The following BBS9 variants were observed in gnomAD, a reference collection of about 807,000 sequenced individuals.
BBS9 encodes the protein Bardet-Biedl syndrome 9, also known as protein PTHB1.
BBS9 carries 89 observed loss-of-function variants against 117.7 expected under a neutral mutation model. The observed-to-expected ratio is 0.76, with a 90% CI of 0.64 to 0.90. The LOEUF is 0.90. Ranked by LOEUF, BBS9 falls within the 40% of genes least tolerant of loss-of-function variation. The probability of loss-of-function intolerance (pLI) is 0.00; values close to 1 mark genes in which losing one functional copy is unlikely to be tolerated. For synonymous variants in BBS9, 379 were observed against 370.9 expected (o/e 1.02, Z -0.25); for missense variants, 982 against 1,042.2 (o/e 0.94, Z 0.80).
At chr7:33,464,642 G>T (rs1055835113) in intron 19 of BBS9, among the ~76,000 whole-genome samples, 2 of 151,672 alleles carry the variant, frequency 1.3e-5, no homozygotes, top group Non-Finnish European at 2.9e-5. Flanking sequence ...GTTCTGTTAG[G>T]TTGTAAATAA....
chr7:33,151,849 C>CG (rs1562684987), intron 2 of BBS9, among the ~76,000 whole-genome samples: 1 of 122,126 alleles, frequency 8.2e-6, no homozygotes, highest in East Asian at 2.2e-4. Flanking sequence ...CTGCACCCAG[C>CG]CTTTTTTTTT....
intron 2 of BBS9, among the ~76,000 whole-genome samples, chr7:33,148,680 A>G (rs1055039441): frequency 6.7e-5 from 7 of 104,718 alleles, no homozygotes; most frequent in Admixed American, 1.0e-4. Flanking sequence ...TTTTTTTTTT[A>G]ATGGAGACAG....
intron 5 of BBS9, among the ~76,000 whole-genome samples, chr7:33,207,582 G>A (rs73097213): frequency 1.3e-4 from 19 of 150,068 alleles, no homozygotes; most frequent in Non-Finnish European, 2.4e-4. Context: ...AGCATAGTAA[G>A]ATGTTCCAGG....
intron 19 of BBS9, among the ~76,000 whole-genome samples, chr7:33,452,998 GGC>G (rs1385992656): frequency 6.6e-6 from 1 of 152,110 alleles, no homozygotes; most frequent in African/African-American, 2.4e-5. Context: ...TATTTAAGAA[GGC>G]AGTGGAGTTG....
chr7:33,314,837 G>T (rs1041672387), intron 9 of BBS9, among the ~76,000 whole-genome samples: 2 of 152,188 alleles, frequency 1.3e-5, no homozygotes, highest in Non-Finnish European at 2.9e-5. Context: ...AAACTATTTT[G>T]TGGGGATAGT....
chr7:33,532,332 C>G (rs1174088305), intron 20 of BBS9, among the ~76,000 whole-genome samples: 1 of 152,232 alleles, frequency 6.6e-6, no homozygotes, highest in Non-Finnish European at 1.5e-5. Flanking sequence ...AAATGCCAGT[C>G]TGACCATTTG....
intron 19 of BBS9, among the ~76,000 whole-genome samples, chr7:33,420,887 G>A (rs1261979631): frequency 6.6e-6 from 1 of 152,180 alleles, no homozygotes; most frequent in African/African-American, 2.4e-5. Context: ...TAAGGTGAAA[G>A]TTTTTCTTCA....
At chr7:33,201,782 G>A (rs919383748) in intron 5 of BBS9, among the ~76,000 whole-genome samples, 5 of 152,076 alleles carry the variant, frequency 3.3e-5, no homozygotes, top group East Asian at 1.9e-4. Flanking sequence ...GCAGGAAGTC[G>A]TGTCTGCTCT....
intron 13 of BBS9, 120 bp downstream of exon 13, chr7:33,349,290 C>G (rs761212675): frequency 4.9e-5 from 37 of 756,332 alleles, no homozygotes; most frequent in Non-Finnish European, 1.4e-5. Context: ...GTCCCAAAAT[C>G]AATGATTGTG....
intron 19 of BBS9, among the ~76,000 whole-genome samples, chr7:33,435,308 G>A (rs1259031577): frequency 6.6e-6 from 1 of 152,048 alleles, no homozygotes; most frequent in Non-Finnish European, 1.5e-5. Context: ...CTTTTAAAAT[G>A]TTTACTGGCT....
At chr7:33,597,146 GTC>G (rs1398044087) in intron 21 of BBS9, among the ~76,000 whole-genome samples, 2 of 150,784 alleles carry the variant, frequency 1.3e-5, no homozygotes, top group Admixed American at 6.6e-5. Context: ...TATTTATAGA[GTC>G]TCTGAGTCTG....
At chr7:33,316,208 A>G (rs1037180586) in intron 9 of BBS9, among the ~76,000 whole-genome samples, 1 of 152,206 alleles carries the variant, frequency 6.6e-6, no homozygotes, top group Admixed American at 6.5e-5. Context: ...AAGTGGGATC[A>G]TACAGTAGGT....
chr7:33,217,028 G>A (rs562373405), intron 5 of BBS9, among the ~76,000 whole-genome samples: 39 of 152,266 alleles, frequency 2.6e-4, no homozygotes, highest in African/African-American at 8.9e-4. Context: ...CCGGGAGGTG[G>A]AGGTTGCAGT....
intron 5 of BBS9, among the ~76,000 whole-genome samples, chr7:33,190,205 C>T (rs1394099632): frequency 1.3e-5 from 2 of 150,794 alleles, no homozygotes; most frequent in South Asian, 4.2e-4. Context: ...CTGCAAGCTC[C>T]GCCTCCCGGG....
intron 20 of BBS9, among the ~76,000 whole-genome samples, chr7:33,518,630 C>A (rs987543757): frequency 2.0e-5 from 3 of 152,042 alleles, no homozygotes; most frequent in Non-Finnish European, 4.4e-5. Context: ...AGAAAAAAAC[C>A]CCCCATAGTA....
At chr7:33,352,658 T>C (rs1241872786) in intron 14 of BBS9, among the ~76,000 whole-genome samples, 3 of 152,156 alleles carry the variant, frequency 2.0e-5, no homozygotes, top group African/African-American at 7.2e-5. Flanking sequence ...AAATGTATTG[T>C]TGGGTTTCAT....
At chr7:33,137,705 CTA>C (rs200843827) in intron 1 of BBS9, among the ~76,000 whole-genome samples, 1,915 of 152,290 alleles carry the variant, frequency 0.013, 40 homozygotes, top group African/African-American at 0.044. Context: ...CAAATGATGA[CTA>C]TTGATTATCA....
Position 33,152,683 on chromosome 7 carries a change from T to G in BBS9, c.113-18T>G. 3.7e-6 allele frequency: 6 copies of G among 1,604,334 alleles called. No homozygotes were observed. The highest frequency in any genetic ancestry group is 5.1e-6 in the Non-Finnish European group (6 of 1,173,592). ...GTTTGTTTCTCCCTCTATCTTTTTTTTTTTAAATTCTCTACAGATAAAATA... is the reference window on the plus strand; with the variant it reads ...GTTTGTTTCTCCCTCTATCTTTTTTGTTTTAAATTCTCTACAGATAAAATA... On this transcript the variant is annotated intron_variant, in intron 2 of 22. Coordinates refer to ENST00000242067, the MANE Select transcript of BBS9 (RefSeq NM_198428.3).
chr7:33,232,632 A>G (rs1448424935), intron 5 of BBS9, among the ~76,000 whole-genome samples: 2 of 152,174 alleles, frequency 1.3e-5, no homozygotes, highest in East Asian at 3.8e-4. Context: ...TCTCTGAGAT[A>G]AAAAGGGTTG....
Sources: allele counts gnomAD v4.1 joint callset (sites outside exome capture counted in the v4.1 genomes callset), GRCh38; gene constraint gnomAD v4.1.1; transcripts MANE v1.5; gene names NCBI Gene and HGNC (gene_info 2026-07-23, HGNC 2026-07-21).